The following USP40 variants were observed in gnomAD, a reference collection of about 807,000 sequenced individuals.
USP40 encodes ubiquitin specific peptidase 40, also known as ubiquitin carboxyl-terminal hydrolase 40.
In USP40, 143 loss-of-function variants were observed where a neutral mutation model predicts 166.2. The ratio of observed to expected loss-of-function variants is 0.86; its 90% CI spans 0.75 to 0.99. The LOEUF (loss-of-function observed/expected upper bound fraction) is 0.99, where lower values mean the gene tolerates loss of function less well. USP40 is among the 50% of genes least tolerant of loss of function. The probability of loss-of-function intolerance (pLI) is 0.00; values close to 1 mark genes in which losing one functional copy is unlikely to be tolerated. For synonymous variants in USP40, 498 were observed against 524.0 expected (o/e 0.95, Z 0.68); for missense variants, 1,444 against 1,479.7 (o/e 0.98, Z 0.40).
At chr2:233,547,085 GAAGGCA>G (rs2070018717) in intron 8 of USP40, 1 of 152,142 alleles carries the variant, frequency 6.6e-6, no homozygotes, top group African/African-American at 2.4e-5. Flanking sequence ...AAAAGAAATG[GAAGGCA>G]AAGGATTTGG....
At chr2:233,500,011 G>C in intron 21 of USP40, 96 bp from the exon 22 acceptor site, 1 of 969,744 alleles carries the variant, frequency 1.0e-6, no homozygotes, top group Non-Finnish European at 1.6e-6. Context: ...ATTTAAGTCT[G>C]ACTATATTTA....
chr2:233,517,201 G>C (rs554718099), intron 18 of USP40, among the ~76,000 whole-genome samples: 165 of 152,238 alleles, frequency 1.1e-3, no homozygotes, highest in African/African-American at 3.7e-3. Context: ...ATGGTGATTA[G>C]GGAACACTTC....
rs373719433 is a variant in USP40 at position 233,559,923 on chromosome 2, A to T, written c.269T>A (p.Val90Asp). ...FEDKDKPDAK[V>D]RIIPLQLQRL... is the part of the protein sequence containing the mutation. ...CTGTAACTGTAAAGGGATGATTCGA[A>T]CCTGAATGAGAAACAAACACATTTC... is the stretch of plus-strand genomic sequence containing the variant. The change falls in exon 4 of 32, where the codon GTT becomes GAT. Residue 90 changes from valine (V) to aspartate (D), a missense_variant and splice_region_variant. Coordinates refer to ENST00000678225, the MANE Select transcript of USP40 (RefSeq NM_001365479.2). 1.9e-6 allele frequency: 3 copies of T among 1,597,584 alleles called. No individual in the cohort carries two copies. The African/African-American group carries it at 4.0e-5, about 21-fold the overall frequency.
chr2:233,488,460 A>T (rs1479003158), intron 27 of USP40, among the ~76,000 whole-genome samples, 156 bp from the exon 28 acceptor site: 1 of 152,212 alleles, frequency 6.6e-6, no homozygotes, highest in African/African-American at 2.4e-5. Flanking sequence ...AAAAAATGAG[A>T]ATCCTTGCTG....
chr2:233,513,117 A>G (rs1291156025), intron 18 of USP40, among the ~76,000 whole-genome samples: 2 of 152,196 alleles, frequency 1.3e-5, no homozygotes, highest in African/African-American at 4.8e-5. Flanking sequence ...TCGTTTAAGC[A>G]GGGCTTGGTT....
Position 233,481,192 on chromosome 2 carries a change from C to G in USP40, c.3599+11G>C, listed in dbSNP as rs766251472. ...TGTCAGCTGCACATCTGTGCAGACC[C>G]CAGCAATTACCTTTTCCTTCTCCCC... is the stretch of plus-strand genomic sequence containing the variant. On this transcript the variant is annotated intron_variant, in intron 31 of 31. Coordinates refer to ENST00000678225, the MANE Select transcript of USP40 (RefSeq NM_001365479.2). The G allele has an allele frequency of 1.0e-5, 16 of 1,595,090 alleles. No homozygotes were observed. The highest frequency in any genetic ancestry group is 1.7e-5 in the Admixed American group (1 of 57,700).
chr2:233,525,001 C>T (rs1461634555), intron 14 of USP40, among the ~76,000 whole-genome samples: 1 of 152,142 alleles, frequency 6.6e-6, no homozygotes, highest in African/African-American at 2.4e-5. Context: ...GATTTTGGCC[C>T]AAATTAGATG....
chr2:233,518,955 C>G (rs982570052), intron 18 of USP40, among the ~76,000 whole-genome samples: 25 of 152,252 alleles, frequency 1.6e-4, no homozygotes, highest in African/African-American at 6.0e-4. Context: ...GCTATTGATA[C>G]GTACTAAATC....
At chr2:233,533,892 T>G in intron 10 of USP40, 113 bp from the exon 11 acceptor site, 1 of 1,140,040 alleles carries the variant, frequency 8.8e-7, no homozygotes, top group South Asian at 1.7e-5. Context: ...TCATCTTTAT[T>G]TCTGACCTGG....
intron 21 of USP40, among the ~76,000 whole-genome samples, chr2:233,508,413 T>G (rs573694647): frequency 3.3e-5 from 5 of 152,326 alleles, no homozygotes; most frequent in Non-Finnish European, 7.4e-5. Flanking sequence ...CTGATCTACA[T>G]TTGGCTAATT....
In USP40 at chr2:233,566,736, CCCCA is replaced by C. The variant is rs1156638284; in HGVS notation, c.-76_-73del. Reference sequence around the variant, plus strand: ...CCAAAACGCGAAGCGAACGAACCCGCCCCAACTGGGCGCCGCCATGTTGGCGAGG... The same window carrying C: ...CCAAAACGCGAAGCGAACGAACCCGCACTGGGCGCCGCCATGTTGGCGAGG... On this transcript the variant is annotated 5_prime_UTR_variant, in exon 1 of 32. It removes the in-frame stop codon of an upstream open reading frame in the 5' UTR. Transcript: ENST00000678225. The C allele has an allele frequency of 1.2e-5, 12 of 985,974 alleles. No individual in the cohort carries two copies. Among genetic ancestry groups the C allele is most frequent in the Non-Finnish European group, 1.4e-5 (12 of 829,984 alleles). 61.1% of individuals were successfully genotyped at this position (985,974 alleles called of 1,614,324 possible).
chr2:233,536,126 TAA>T (rs993383732), intron 10 of USP40, among the ~76,000 whole-genome samples: 2 of 152,064 alleles, frequency 1.3e-5, no homozygotes, highest in Non-Finnish European at 2.9e-5. Context: ...CAAAAGAGAA[TAA>T]AAGAGTCAAC....
intron 27 of USP40, 124 bp from the exon 28 acceptor site, chr2:233,488,428 A>G: frequency 1.2e-6 from 1 of 851,672 alleles, no homozygotes; most frequent in East Asian, 2.7e-5. Context: ...TTATAAGAAC[A>G]CCCAAACTTT....
At chr2:233,562,618 T>C (rs1384030324) in intron 3 of USP40, 118 bp downstream of exon 3, 4 of 556,508 alleles carry the variant, frequency 7.2e-6, no homozygotes, top group Non-Finnish European at 1.1e-5. Flanking sequence ...TAATGCTAGA[T>C]GATGAGTTAG....
At position 233,523,398 on chromosome 2, in the gene USP40, C is replaced by T. The variant is rs753308409; in HGVS notation, c.1973G>A (p.Cys658Tyr). Residue 658 changes from cysteine to tyrosine, a missense_variant, in exon 16 of 32, where the codon TGT (cysteine) becomes TAT (tyrosine). Cys to Tyr is a radical substitution (Grantham distance 194). Coordinates refer to ENST00000678225, the MANE Select transcript of USP40 (RefSeq NM_001365479.2). ...ATGTGGAGATTCTATCACCTGACAA[C>T]ACTTTTCTCCATCACTGCTTGTGTC... Reference protein sequence around the residue: ...HLDTSSDGEKCCQVIESPHVF... With the variant: ...HLDTSSDGEKYCQVIESPHVF... 2.5e-6 allele frequency: 4 copies of T among 1,613,876 alleles called. No individual in the cohort carries two copies. Among genetic ancestry groups the T allele is most frequent in the Non-Finnish European group, 3.4e-6 (4 of 1,179,900 alleles).
intron 8 of USP40, chr2:233,547,034 T>C (rs1290756667): frequency 6.6e-6 from 1 of 152,142 alleles, no homozygotes; most frequent in Non-Finnish European, 1.5e-5. Flanking sequence ...CTTGTACAGC[T>C]TTCCCAAGCC....
At chr2:233,485,727 G>C in intron 29 of USP40, 40 bp downstream of exon 29, 1 of 1,607,258 alleles carries the variant, frequency 6.2e-7, no homozygotes, top group South Asian at 1.1e-5. Flanking sequence ...TTGCTATGCC[G>C]GTAAGCCCCA....
chr2:233,507,052 A>G (rs1375867445), intron 21 of USP40, among the ~76,000 whole-genome samples: 1 of 152,256 alleles, frequency 6.6e-6, no homozygotes, highest in Non-Finnish European at 1.5e-5. Flanking sequence ...CAAATGGCCA[A>G]CAGGTACGCA....
In USP40 at chr2:233,488,243, A is replaced by C. The variant is rs2065074873; in HGVS notation, c.3193T>G (p.Leu1065Val). The C allele has an allele frequency of 6.2e-7, 1 of 1,603,076 alleles. No individual in the cohort carries two copies. ...CLEPLQKGEN[L>V]GPQDVLLRTQ... ...ATGCACAGGAGAATTTCTTACCCCA[A>C]GTTTTCGCCTTTCTGAAGGGGCTCT... The change falls in exon 28 of 32, where the codon TTG (leucine) becomes GTG (valine). Residue 1065 changes from leucine to valine, a missense_variant. Transcript: ENST00000678225.
Sources: gnomAD v4.1 joint callset for allele counts (sites outside exome capture counted in the v4.1 genomes callset) on GRCh38, gnomAD v4.1.1 for gene constraint, MANE v1.5 for transcripts, NCBI Gene and HGNC (gene_info 2026-07-23, HGNC 2026-07-21) for gene names.